PCDH15: variants seen among roughly 807,000 people sequenced by gnomAD.
PCDH15 encodes the protein protocadherin related 15.
A neutral mutation model predicts 178.5 loss-of-function variants in PCDH15; 129 were observed. The ratio of observed to expected loss-of-function variants is 0.72; its 90% confidence interval spans 0.63 to 0.84. The LOEUF (loss-of-function observed/expected upper bound fraction) is 0.84, where lower values mean the gene tolerates loss of function less well. PCDH15 is among the 40% of genes least tolerant of loss of function. PCDH15 has a pLI of 0.00. For synonymous variants in PCDH15, 800 were observed against 732.0 expected, an observed-to-expected ratio of 1.09 and a Z score of -1.50; for missense variants, 2,230 against 2,099.9, an observed-to-expected ratio of 1.06 and a Z score of -1.21.
chr10:54,829,401 A>G (rs755552324), intron 3 of PCDH15, among the ~76,000 whole-genome samples: 18 of 152,060 alleles, frequency 1.2e-4, no homozygotes, highest in Non-Finnish European at 2.1e-4. Context: ...TAAGTATTTT[A>G]TGATTGCATC....
intron 2 of PCDH15, among the ~76,000 whole-genome samples, chr10:55,587,628 G>A (rs1456964153): frequency 6.6e-6 from 1 of 151,964 alleles, no homozygotes; most frequent in African/African-American, 2.4e-5. Flanking sequence ...CATTTGTGAA[G>A]ATTAAAAGAA....
At chr10:54,309,487 A>T (rs2060766536) in intron 8 of PCDH15, among the ~76,000 whole-genome samples, 2 of 152,060 alleles carry the variant, frequency 1.3e-5, no homozygotes, top group Non-Finnish European at 2.9e-5. Context: ...GAGTTAATTC[A>T]ATTCAAAATA....
intron 8 of PCDH15, among the ~76,000 whole-genome samples, chr10:54,245,349 A>G (rs1005079086): frequency 9.8e-5 from 15 of 152,306 alleles, no homozygotes; most frequent in African/African-American, 3.6e-4. Context: ...TATATGTGTA[A>G]TAAATGTGAA....
intron 2 of PCDH15, among the ~76,000 whole-genome samples, chr10:55,526,548 T>C (rs1009526978): frequency 9.9e-5 from 15 of 152,180 alleles, no homozygotes; most frequent in African/African-American, 3.6e-4. Flanking sequence ...TGTGAGACTC[T>C]TTCTACCATA....
intron 2 of PCDH15, among the ~76,000 whole-genome samples, chr10:55,563,588 A>G (rs571290755): frequency 1.8e-3 from 276 of 152,010 alleles, no homozygotes; most frequent in African/African-American, 6.4e-3. Flanking sequence ...CACGAGGCAC[A>G]CACAGGAACA....
intron 2 of PCDH15, among the ~76,000 whole-genome samples, chr10:54,652,013 T>C (rs1284697676): frequency 6.6e-6 from 1 of 151,814 alleles, no homozygotes; most frequent in Non-Finnish European, 1.5e-5. Context: ...AGTTCTTATA[T>C]GCAAGGAATT....
At chr10:55,042,851 C>T (rs1165470580) in intron 2 of PCDH15, among the ~76,000 whole-genome samples, 1 of 152,070 alleles carries the variant, frequency 6.6e-6, no homozygotes, top group Non-Finnish European at 1.5e-5. Context: ...TTATTTAATA[C>T]ATTTTGATCT....
rs150172117 is a variant in PCDH15 at position 54,686,566 on chromosome 10, C to T, written c.-28-22276G>A. On this transcript the variant is annotated intron_variant, in intron 1 of 37. Coordinates refer to ENST00000644397, the MANE Select transcript of PCDH15 (RefSeq NM_001384140.1). ...TTGAGTCTTACATTTACGTCAATAACCTATTTTGAATTTTTTGTGTGTATG... is the reference window on the plus strand; with the variant it reads ...TTGAGTCTTACATTTACGTCAATAATCTATTTTGAATTTTTTGTGTGTATG... Among the ~76,000 whole-genome samples the T allele has an allele frequency of 4.3e-4, 66 of 152,098 alleles. No homozygotes were observed. In the East Asian group the frequency reaches 0.012, roughly 27 times the overall value.
At chr10:53,845,120 G>A (rs1202164549) in intron 28 of PCDH15, among the ~76,000 whole-genome samples, 1 of 151,928 alleles carries the variant, frequency 6.6e-6, no homozygotes, top group African/African-American at 2.4e-5. Flanking sequence ...ATGAAAAAAT[G>A]CTCGACATCA....
chr10:55,082,656 G>A (rs7909726), intron 2 of PCDH15, among the ~76,000 whole-genome samples: 1 of 148,708 alleles, frequency 6.7e-6, no homozygotes, highest in Non-Finnish European at 1.5e-5. Context: ...GACAAATCTT[G>A]AATTAAACTA....
At chr10:55,132,928 T>C (rs1477167366) in intron 2 of PCDH15, among the ~76,000 whole-genome samples, 1 of 152,190 alleles carries the variant, frequency 6.6e-6, no homozygotes, top group Non-Finnish European at 1.5e-5. Context: ...TTTAGTTGTT[T>C]CATTGGTTAC....
intron 3 of PCDH15, among the ~76,000 whole-genome samples, chr10:54,471,538 A>C (rs887679172): frequency 6.6e-6 from 1 of 152,110 alleles, no homozygotes; most frequent in Non-Finnish European, 1.5e-5. Flanking sequence ...ACTTTTGTTT[A>C]ATTTTCTGAA....
At chr10:54,190,207 G>A (rs921059338) in intron 11 of PCDH15, among the ~76,000 whole-genome samples, 1 of 152,004 alleles carries the variant, frequency 6.6e-6, no homozygotes, top group Non-Finnish European at 1.5e-5. Context: ...TCCCCTTCTT[G>A]GCATTTACCA....
intron 2 of PCDH15, among the ~76,000 whole-genome samples, chr10:55,345,485 T>G (rs1844728786): frequency 6.6e-6 from 1 of 152,066 alleles, no homozygotes; most frequent in Non-Finnish European, 1.5e-5. Context: ...AAGCCAGAGT[T>G]GAACTATGGC....
chr10:53,975,588 T>A (rs951187253), intron 21 of PCDH15, among the ~76,000 whole-genome samples: 1 of 152,178 alleles, frequency 6.6e-6, no homozygotes, highest in African/African-American at 2.4e-5. Flanking sequence ...TTTTGAGAAG[T>A]GTCTGTTCAC....
intron 17 of PCDH15, among the ~76,000 whole-genome samples, chr10:54,075,119 T>C (rs903818901): frequency 6.6e-6 from 1 of 152,188 alleles, no homozygotes; most frequent in African/African-American, 2.4e-5. Context: ...GGCTCACACC[T>C]GTAATCCCAG....
intron 2 of PCDH15, among the ~76,000 whole-genome samples, chr10:55,334,242 A>ATATATATATATATATGTG (rs1291195941): frequency 9.8e-4 from 71 of 72,122 alleles, no homozygotes; most frequent in African/African-American, 1.6e-3. Flanking sequence ...ATATATATAT[A>ATATATATATATATATGTG]TGTGTGTGTG....
chr10:55,250,268 C>T (rs1425550472), intron 1 of PCDH15, among the ~76,000 whole-genome samples: 4 of 151,900 alleles, frequency 2.6e-5, no homozygotes, highest in Admixed American at 2.0e-4. Flanking sequence ...ATCAGCCTTC[C>T]AAGTGGCTGT....
intron 2 of PCDH15, among the ~76,000 whole-genome samples, chr10:54,643,973 C>G (rs1300347595): frequency 1.0e-5 from 1 of 97,914 alleles, no homozygotes; most frequent in African/African-American, 3.9e-5. Flanking sequence ...CCCCCCTCCC[C>G]CCACCCCACA....
Sources: allele counts gnomAD v4.1 joint callset (sites outside exome capture counted in the v4.1 genomes callset), GRCh38; gene constraint gnomAD v4.1.1; transcripts MANE v1.5; gene names NCBI Gene and HGNC (gene_info 2026-07-23, HGNC 2026-07-21).